NUDCD3: variants seen among roughly 807,000 people sequenced by gnomAD.
NUDCD3 encodes the protein NudC domain containing 3.
NUDCD3 carries 13 observed loss-of-function variants against 39.7 expected under a neutral mutation model. The observed-to-expected ratio is 0.33, with a 90% confidence interval of 0.21 to 0.52. The LOEUF (loss-of-function observed/expected upper bound fraction) is 0.52, where lower values mean the gene tolerates loss of function less well. NUDCD3 is among the 20% of genes least tolerant of loss of function. The pLI, the probability that NUDCD3 is intolerant of heterozygous loss-of-function variation, is 0.96. For synonymous variants in NUDCD3, 175 were observed against 172.4 expected, an observed-to-expected ratio of 1.02 and a Z score of -0.12; for missense variants, 453 against 458.1, an observed-to-expected ratio of 0.99 and a Z score of 0.10.
At chr7:44,443,292 A>T (rs1336578340) in intron 2 of NUDCD3, among the ~76,000 whole-genome samples, 1 of 152,220 alleles carries the variant, frequency 6.6e-6, no homozygotes, top group East Asian at 1.9e-4. Context: ...CTTAAAGAAG[A>T]CATTCCACAA....
chr7:44,451,461 C>T (rs976045526), intron 2 of NUDCD3, among the ~76,000 whole-genome samples: 11 of 152,094 alleles, frequency 7.2e-5, no homozygotes, highest in Non-Finnish European at 1.3e-4. Flanking sequence ...CATAGCTGCA[C>T]GCTTGAAAAT....
intron 3 of NUDCD3, among the ~76,000 whole-genome samples, chr7:44,417,640 G>A (rs905064257): frequency 1.1e-4 from 16 of 152,012 alleles, no homozygotes; most frequent in African/African-American, 3.6e-4. Flanking sequence ...CTACATACAC[G>A]GCAATACTAA....
rs763847687 is a variant in NUDCD3, at chr7:44,490,613, C to G, written c.-13G>C. 1 of 1,593,942 alleles carries G rather than the reference C, an allele frequency of 6.3e-7. No individual in the cohort carries two copies. Among genetic ancestry groups the G allele is most frequent in the African/African-American group, 1.3e-5 (1 of 74,340 alleles). On this transcript the variant is annotated 5_prime_UTR_variant, in exon 1 of 6. Coordinates refer to ENST00000355451, the MANE Select transcript of NUDCD3 (RefSeq NM_015332.4). The stretch of plus-strand genomic sequence containing the variant: ...CCCCTGTCTCCATGTCGCCTCCCGC[C>G]CTAGGTACGCTTCACACACACAGCG...
intron 2 of NUDCD3, among the ~76,000 whole-genome samples, chr7:44,453,894 T>A (rs1004257212): frequency 4.2e-4 from 64 of 151,828 alleles, no homozygotes; most frequent in African/African-American, 1.5e-3. Context: ...AATAAAAACA[T>A]TAGCTGAGGG....
intron 3 of NUDCD3, among the ~76,000 whole-genome samples, chr7:44,424,861 T>C (rs1799204365): frequency 6.6e-6 from 1 of 152,192 alleles, no homozygotes; most frequent in Non-Finnish European, 1.5e-5. Context: ...ACTGCAGCAC[T>C]ATTTACAATA....
chr7:44,435,911 G>A (rs1799455087), intron 2 of NUDCD3, among the ~76,000 whole-genome samples: 1 of 152,170 alleles, frequency 6.6e-6, no homozygotes, highest in African/African-American at 2.4e-5. Flanking sequence ...GAGGGGCAGA[G>A]AAGCATGGCC....
At position 44,442,693 on chromosome 7, in the gene NUDCD3, C is replaced by CTT. The variant is rs869244799; in HGVS notation, c.510-14992_510-14991dup. On this transcript the variant is annotated intron_variant, in intron 2 of 5. Transcript: ENST00000355451. ...CAAGAGGGGCGGACTCTCCCCTTTT[C>CTT]TTTTTTTTTTTTTTTTTTTTGAGAC... Among the ~76,000 whole-genome samples, 197 of 124,336 alleles carry CTT rather than the reference C, an allele frequency of 1.6e-3. 1 individual carries two copies. Among genetic ancestry groups the CTT allele is most frequent in the South Asian group, 3.8e-3 (14 of 3,692 alleles). The allele number at this position is 124,336 out of a possible 152,430, so 81.6% of individuals were successfully genotyped here. A position where few individuals can be genotyped will look rare whatever the true frequency, so the allele number is the denominator to read the frequency against.
chr7:44,419,136 C>T (rs904531371), intron 3 of NUDCD3, among the ~76,000 whole-genome samples: 12 of 152,190 alleles, frequency 7.9e-5, no homozygotes, highest in Admixed American at 4.6e-4. Flanking sequence ...AAGGGACAAT[C>T]GAGCTTGGTG....
At position 44,400,766 on chromosome 7, in the gene NUDCD3, C is replaced by A. The variant is rs1365060716; in HGVS notation, c.786+3674G>T. Among the ~76,000 whole-genome samples the A allele has an allele frequency of 3.9e-5, 6 of 152,310 alleles. No homozygotes were observed. The East Asian group carries it at 1.2e-3, about 29-fold the overall frequency. On this transcript the variant is annotated intron_variant, in intron 4 of 5. Transcript: ENST00000355451. ...TTGGTGGTTATATCATTCATCTCTG[C>A]CCTATCTTCTCATGGCCTTCTCTGT...
At chr7:44,468,348 G>GAAA in intron 2 of NUDCD3, 30 of 305,386 alleles carry the variant, frequency 9.8e-5, no homozygotes, top group South Asian at 5.0e-4. Flanking sequence ...TGTAAAAACT[G>GAAA]CAAAAAAAAA....
intron 2 of NUDCD3, among the ~76,000 whole-genome samples, chr7:44,462,274 AAAC>A (rs1166404357): frequency 2.0e-5 from 3 of 152,240 alleles, no homozygotes; most frequent in African/African-American, 7.2e-5. Context: ...TTTTGCTTAC[AAAC>A]AACATTTCAT....
chr7:44,392,500 G>A lies in NUDCD3; in HGVS notation c.787-15C>T. 6.2e-7 allele frequency: 1 copy of A among 1,612,166 alleles called. No individual in the cohort carries two copies. The highest frequency in any genetic ancestry group is 1.3e-5 in the African/African-American group (1 of 75,036). ...CTCAGGTTCACCTGGGGACAAGCAG[G>A]ACAGAGACCTGAGTCAGAGACCTGA... On this transcript the variant is annotated splice_polypyrimidine_tract_variant and intron_variant, in intron 4 of 5. Transcript: ENST00000355451.
At chr7:44,426,576 C>G (rs1287142814) in intron 3 of NUDCD3, among the ~76,000 whole-genome samples, 1 of 152,068 alleles carries the variant, frequency 6.6e-6, no homozygotes, top group Non-Finnish European at 1.5e-5. Flanking sequence ...GCGGGCGGAT[C>G]ACGAGGTCAG....
intron 3 of NUDCD3, among the ~76,000 whole-genome samples, chr7:44,410,815 A>C (rs1798909511): frequency 6.6e-6 from 1 of 151,746 alleles, no homozygotes; most frequent in East Asian, 1.9e-4. Flanking sequence ...AAAAATACAC[A>C]AGTTAGCTAG....
At chr7:44,473,776 C>A (rs905065978) in intron 2 of NUDCD3, among the ~76,000 whole-genome samples, 1 of 152,062 alleles carries the variant, frequency 6.6e-6, no homozygotes, top group Non-Finnish European at 1.5e-5. Context: ...TGCTAAACCA[C>A]ATGTGGGTAA....
At chr7:44,463,071 T>C (rs751570799) in intron 2 of NUDCD3, among the ~76,000 whole-genome samples, 3 of 152,036 alleles carry the variant, frequency 2.0e-5, no homozygotes, top group Non-Finnish European at 4.4e-5. Flanking sequence ...CTGCTGGCAC[T>C]GAATATATGA....
chr7:44,444,060 T>G (rs557624273), intron 2 of NUDCD3, among the ~76,000 whole-genome samples: 8 of 152,350 alleles, frequency 5.3e-5, no homozygotes, highest in African/African-American at 1.7e-4. Context: ...GACGCTATCA[T>G]GTGAAAAGGC....
intron 3 of NUDCD3, among the ~76,000 whole-genome samples, chr7:44,425,396 G>C (rs1010810374): frequency 1.3e-5 from 2 of 152,126 alleles, no homozygotes; most frequent in Non-Finnish European, 2.9e-5. Flanking sequence ...AGGAAACATG[G>C]ATACAGTTTC....
At chr7:44,397,933 C>T (rs1226745994) in intron 4 of NUDCD3, among the ~76,000 whole-genome samples, 1 of 152,086 alleles carries the variant, frequency 6.6e-6, no homozygotes, top group Non-Finnish European at 1.5e-5. Context: ...CCTTTTTCCT[C>T]CCCTGACATC....
Sources: allele counts gnomAD v4.1 joint callset (sites outside exome capture counted in the v4.1 genomes callset), GRCh38; gene constraint gnomAD v4.1.1; transcripts MANE v1.5; gene names NCBI Gene and HGNC (gene_info 2026-07-23, HGNC 2026-07-21).